Variants in UMODL1 observed in about 807,000 individuals in gnomAD.
UMODL1 encodes the protein uromodulin like 1.
UMODL1 carries 128 observed loss-of-function variants against 136.3 expected under a neutral mutation model. The observed-to-expected ratio is 0.94, with a 90% CI of 0.81 to 1.09. The LOEUF is 1.09. Ranked by LOEUF, UMODL1 falls within the 50% of genes least tolerant of loss-of-function variation. UMODL1 has a pLI of 0.00. For synonymous variants in UMODL1, 721 were observed against 720.0 expected (o/e 1.00, Z -0.02); for missense variants, 1,766 against 1,725.6 (o/e 1.02, Z -0.41).
At position 42,122,752 on chromosome 21, in the gene UMODL1, T is replaced by G; in HGVS notation, c.2828-79T>G. ...GCTGCAGAGTGCAGGGCAGCTCCAG[T>G]CTGCTCCTTACCCCTGCCCCTCCAT... On this transcript the variant is annotated intron_variant, in intron 16 of 22. Coordinates refer to ENST00000408910, the MANE Select transcript of UMODL1 (RefSeq NM_001004416.3). This position sits in a 1 kb window ranked among gnomAD's most constrained non-coding sequence, Gnocchi z 4.3. 9.1e-6 allele frequency: 13 copies of G among 1,434,328 alleles called. No individual in the cohort carries two copies. The highest frequency in any genetic ancestry group is 9.3e-6 in the Non-Finnish European group (10 of 1,075,994). 88.9% of individuals were successfully genotyped at this position (1,434,328 alleles called of 1,614,324 possible).
Position 42,109,578 on chromosome 21 carries a change from G to C in UMODL1, c.1536G>C (p.Val512=). 1 of 1,611,580 alleles carries C rather than the reference G, an allele frequency of 6.2e-7. No homozygotes were observed. Among genetic ancestry groups the C allele is most frequent in the Non-Finnish European group, 8.5e-7 (1 of 1,180,014 alleles). Residue 512 remains valine, a synonymous_variant, in exon 10 of 23, where the codon GTG becomes GTC. Coordinates refer to ENST00000408910, the MANE Select transcript of UMODL1 (RefSeq NM_001004416.3). ...GTRVQDWDEC[V]DSAEHDCSPA... is the part of the protein sequence containing the mutation. Reference sequence around the variant, plus strand: ...CCCTGGCAGACTGGGACGAGTGTGTGGACAGCGCGGAACACGACTGCTCAC... The same window carrying C: ...CCCTGGCAGACTGGGACGAGTGTGTCGACAGCGCGGAACACGACTGCTCAC...
chr21:42,110,196 C>A (rs1230781765), intron 10 of UMODL1, among the ~76,000 whole-genome samples: 1 of 152,206 alleles, frequency 6.6e-6, no homozygotes, highest in African/African-American at 2.4e-5. Flanking sequence ...TGGACCAGTT[C>A]TGATGAGTGG....
intron 20 of UMODL1, 91 bp downstream of exon 20, chr21:42,127,922 G>T: frequency 1.3e-6 from 2 of 1,557,892 alleles, no homozygotes; most frequent in Admixed American, 1.7e-5. Context: ...CCTAGGGCTC[G>T]AGTGGCTCGG....
Position 42,084,216 on chromosome 21 carries a change from G to A in UMODL1, c.452G>A (p.Gly151Glu). 1.2e-6 allele frequency: 2 copies of A among 1,613,710 alleles called. No homozygotes were observed. Among genetic ancestry groups the A allele is most frequent in the Non-Finnish European group, 1.7e-6 (2 of 1,180,012 alleles). Reference sequence around the variant, plus strand: ...GAGAAGTGCTGCCCCTGGTCAGGGGGGCGCTACTGCATGGCCCCTGCACCC... The same window carrying A: ...GAGAAGTGCTGCCCCTGGTCAGGGGAGCGCTACTGCATGGCCCCTGCACCC... ...GLEKCCPWSGGRYCMAPAPQA... is the reference protein window; with the variant it reads ...GLEKCCPWSGERYCMAPAPQA... The change falls in exon 3 of 23, where the codon GGG (glycine) becomes GAG (glutamate). Residue 151 changes from glycine (G) to glutamate (E), a missense_variant. Gly to Glu is a moderately conservative substitution (Grantham distance 98, BLOSUM62 -2). Coordinates refer to ENST00000408910, the MANE Select transcript of UMODL1 (RefSeq NM_001004416.3).
chr21:42,116,505 G>A (rs2066904213), intron 14 of UMODL1, among the ~76,000 whole-genome samples: 1 of 152,164 alleles, frequency 6.6e-6, no homozygotes, highest in African/African-American at 2.4e-5. Context: ...ACGGTTAGCA[G>A]ACAGGAGGCA....
At position 42,122,840 on chromosome 21, in the gene UMODL1, C is replaced by T. The variant is rs1459941239; in HGVS notation, c.2837C>T (p.Pro946Leu). 1 of 1,596,534 alleles carries T rather than the reference C, an allele frequency of 6.3e-7. No homozygotes were observed. The highest frequency in any genetic ancestry group is 1.3e-5 in the African/African-American group (1 of 74,334). ...YSERPCEGDS[P>L]GNETWATSPE... ...TCCTTGTGCCTTGCAGGTGACTCTC[C>T]TGGCAATGAAACCTGGGCCACCAGC... The change falls in exon 17 of 23, where the codon CCT (proline) becomes CTT (leucine). Residue 946 changes from proline (P) to leucine (L), a missense_variant. Transcript: ENST00000408910. This position sits in a 1 kb window ranked among gnomAD's most constrained non-coding sequence, Gnocchi z 4.3.
intron 2 of UMODL1, among the ~76,000 whole-genome samples, chr21:42,081,350 T>A (rs1395177254): frequency 6.6e-6 from 1 of 152,214 alleles, no homozygotes; most frequent in Non-Finnish European, 1.5e-5. Context: ...AAAGCTCCCC[T>A]GTTGCCTCAC....
At chr21:42,087,499 A>T (rs1324646749) in intron 4 of UMODL1, among the ~76,000 whole-genome samples, 1 of 152,234 alleles carries the variant, frequency 6.6e-6, no homozygotes, top group Non-Finnish European at 1.5e-5. Context: ...AGATTTCAAG[A>T]TATTAAGCTG....
intron 1 of UMODL1, among the ~76,000 whole-genome samples, chr21:42,064,332 C>T (rs963036092): frequency 2.6e-5 from 4 of 152,164 alleles, no homozygotes; most frequent in Admixed American, 1.3e-4. Flanking sequence ...CCCCTCCTGC[C>T]GGACGGCCTC....
Position 42,122,701 on chromosome 21 carries a change from G to A in UMODL1, c.2828-130G>A. On this transcript the variant is annotated intron_variant, in intron 16 of 22. Coordinates refer to ENST00000408910, the MANE Select transcript of UMODL1 (RefSeq NM_001004416.3). This position sits in a 1 kb window ranked among gnomAD's most constrained non-coding sequence, Gnocchi z 4.3. ...TGTGTGCACGTGTGTAGTTGTGGCT[G>A]GAACATGCGGTTCCCAGGTGTGGCT... 1.2e-6 allele frequency: 1 copy of A among 853,500 alleles called. No homozygotes were observed. Among genetic ancestry groups the A allele is most frequent in the Non-Finnish European group, 1.8e-6 (1 of 566,982 alleles). The allele number at this position is 853,500 out of a possible 1,614,324, so 52.9% of individuals were successfully genotyped here.
intron 2 of UMODL1, among the ~76,000 whole-genome samples, chr21:42,076,709 C>A (rs191488400): frequency 2.0e-5 from 3 of 152,322 alleles, no homozygotes; most frequent in East Asian, 1.9e-4. Flanking sequence ...TCTACAGCAG[C>A]CTTTTCTTTC....
intron 9 of UMODL1, among the ~76,000 whole-genome samples, chr21:42,105,611 G>A (rs183727233): frequency 3.2e-3 from 488 of 152,324 alleles, no homozygotes; most frequent in Non-Finnish European, 4.5e-3. Flanking sequence ...AGTGACAAGT[G>A]TTCTTATACG....
intron 6 of UMODL1, among the ~76,000 whole-genome samples, chr21:42,097,381 G>A (rs564085027): frequency 6.6e-6 from 1 of 152,280 alleles, no homozygotes; most frequent in South Asian, 2.1e-4. Context: ...AGATTCAAAG[G>A]AGGCAGCTCA....
chr21:42,106,076 G>C (rs2066712141), intron 9 of UMODL1, among the ~76,000 whole-genome samples: 2 of 152,126 alleles, frequency 1.3e-5, no homozygotes, highest in Non-Finnish European at 2.9e-5. Flanking sequence ...TGGGGGGTCA[G>C]CTGTGTGGCC....
chr21:42,135,921 C>G (rs138162178), intron 21 of UMODL1, among the ~76,000 whole-genome samples: 2 of 152,148 alleles, frequency 1.3e-5, no homozygotes, highest in African/African-American at 4.8e-5. Flanking sequence ...GCAGACTGCC[C>G]GGAAATCAAT....
chr21:42,130,221 CGTGT>C lies in UMODL1; in HGVS notation c.3775+446_3775+449del, dbSNP rs112746788. Among the ~76,000 whole-genome samples the C allele has an allele frequency of 2.5e-4, 37 of 150,562 alleles. 1 individual carries two copies. The East Asian group carries it at 3.1e-3, about 13-fold the overall frequency. ...TCAAGCTATAATCAGGCCATGTCAA[CGTGT>C]GTGTGTGTGTGTGTGTGTGTGCGTG... On this transcript the variant is annotated intron_variant, in intron 21 of 22. Coordinates refer to ENST00000408910, the MANE Select transcript of UMODL1 (RefSeq NM_001004416.3).
At chr21:42,072,239 A>G (rs1398702602) in intron 1 of UMODL1, among the ~76,000 whole-genome samples, 1 of 152,198 alleles carries the variant, frequency 6.6e-6, no homozygotes, top group Non-Finnish European at 1.5e-5. Context: ...TTAAAAACAC[A>G]CGGGAGTTCT....
rs746930151 is a variant in UMODL1 at position 42,123,103 on chromosome 21, G to A, written c.3100G>A (p.Val1034Met). 5.6e-6 allele frequency: 9 copies of A among 1,614,068 alleles called. No homozygotes were observed. Among genetic ancestry groups the A allele is most frequent in the African/African-American group, 1.3e-5 (1 of 75,042 alleles). ...CNVSHSNGTH[V>M]LLEAGWSECG... Reference sequence around the variant, plus strand: ...CGTGAGCCACAGCAATGGCACACACGTGCTCCTGGAGGCCGGCTGGAGCGA... The same window carrying A: ...CGTGAGCCACAGCAATGGCACACACATGCTCCTGGAGGCCGGCTGGAGCGA... The change falls in exon 17 of 23, where the codon GTG becomes ATG. Residue 1034 changes from valine (V) to methionine (M), a missense_variant. Transcript: ENST00000408910. The surrounding 1 kb of genome is among the most constrained non-coding windows in gnomAD (Gnocchi z 4.4).
At chr21:42,078,157 GACCCCA>G (rs2066317557) in intron 2 of UMODL1, among the ~76,000 whole-genome samples, 1 of 147,934 alleles carries the variant, frequency 6.8e-6, no homozygotes, top group African/African-American at 2.5e-5. Flanking sequence ...AGGGCCAGCT[GACCCCA>G]GAGCAACACC....
Sources: allele counts gnomAD v4.1 joint callset (sites outside exome capture counted in the v4.1 genomes callset), GRCh38; gene constraint gnomAD v4.1.1; non-coding constraint Gnocchi (gnomAD v3.1); transcripts MANE v1.5; gene names NCBI Gene and HGNC (gene_info 2026-07-23, HGNC 2026-07-21).